DPF3: variants seen among roughly 807,000 people sequenced by gnomAD.
DPF3 encodes double PHD fingers 3.
A neutral mutation model predicts 56.8 loss-of-function variants in DPF3; 18 were observed. The observed-to-expected ratio is 0.32, with a 90% CI of 0.22 to 0.47. The LOEUF is 0.47. DPF3 is among the 20% of genes least tolerant of loss of function. The pLI is 1.00. For synonymous variants in DPF3, 188 were observed against 180.2 expected, an observed-to-expected ratio of 1.04 and a Z score of -0.35; for missense variants, 403 against 488.8, an observed-to-expected ratio of 0.82 and a Z score of 1.65.
At chr14:72,787,527 T>C (rs1348489039) in intron 1 of DPF3, among the ~76,000 whole-genome samples, 3 of 152,126 alleles carry the variant, frequency 2.0e-5, no homozygotes, top group Non-Finnish European at 4.4e-5. Flanking sequence ...CACTAAGTCA[T>C]TACCAGGAAC....
Position 72,678,857 on chromosome 14 carries a change from T to TA in DPF3, c.743-4490dup, listed in dbSNP as rs1399848096. Among the ~76,000 whole-genome samples, 12 of 152,252 alleles carry TA rather than the reference T, an allele frequency of 7.9e-5. No individual in the cohort carries two copies. The East Asian group carries it at 2.3e-3, about 29-fold the overall frequency. ...GAAAATAAAGTGAGCCTTAAGAGTT[T>TA]AGAAATCTACCTGAGGGAGATAACT... On this transcript the variant is annotated intron_variant, in intron 7 of 10. Transcript: ENST00000556509.
At chr14:72,664,174 T>C (rs1051777517) in intron 8 of DPF3, among the ~76,000 whole-genome samples, 8 of 152,178 alleles carry the variant, frequency 5.3e-5, no homozygotes, top group African/African-American at 1.7e-4. Flanking sequence ...GTTCTCTCCA[T>C]GGGCATCTGT....
chr14:72,669,733 A>T (rs1328341340), intron 8 of DPF3, among the ~76,000 whole-genome samples: 1 of 152,118 alleles, frequency 6.6e-6, no homozygotes, highest in Non-Finnish European at 1.5e-5. Flanking sequence ...CAAGACTCAG[A>T]TCACACACCT....
chr14:72,802,115 C>T (rs1892915949), intron 1 of DPF3, among the ~76,000 whole-genome samples: 1 of 151,944 alleles, frequency 6.6e-6, no homozygotes, highest in African/African-American at 2.4e-5. Flanking sequence ...CAAGCAAATG[C>T]TCACACAGGG....
intron 5 of DPF3, among the ~76,000 whole-genome samples, chr14:72,714,941 G>C (rs1312476311): frequency 6.6e-6 from 1 of 152,138 alleles, no homozygotes; most frequent in Non-Finnish European, 1.5e-5. Context: ...ACAACCCCAG[G>C]CCCCTCAGCA....
At chr14:72,639,467 T>C in intron 8 of DPF3, among the ~76,000 whole-genome samples, 1 of 152,132 alleles carries the variant, frequency 6.6e-6, no homozygotes, top group East Asian at 1.9e-4. Context: ...TAATATTAGG[T>C]TATAAAAAGA....
chr14:72,723,920 T>TA, intron 4 of DPF3, 192 bp from the exon 5 acceptor site: 1 of 542,212 alleles, frequency 1.8e-6, no homozygotes, highest in Admixed American at 3.9e-5. Context: ...GAGGCTCTCC[T>TA]AAGCCCTTGG....
chr14:72,765,559 G>A (rs192106919), intron 2 of DPF3, among the ~76,000 whole-genome samples: 127 of 152,236 alleles, frequency 8.3e-4, no homozygotes, highest in African/African-American at 3.0e-3. Flanking sequence ...GCCATGCAAT[G>A]GACTACTACT....
chr14:72,731,579 G>C (rs1889647261), intron 4 of DPF3: 1 of 545,520 alleles, frequency 1.8e-6, no homozygotes, highest in Non-Finnish European at 3.3e-6. Context: ...TGCATAGACA[G>C]ACAGAAGAGA....
At chr14:72,757,933 G>GT (rs940209368) in intron 2 of DPF3, among the ~76,000 whole-genome samples, 53 of 150,348 alleles carry the variant, frequency 3.5e-4, no homozygotes, top group East Asian at 2.0e-3. Context: ...GTGTTTGCAT[G>GT]TTTTTTTTTA....
At chr14:72,622,701 C>G (rs1884532092) in intron 9 of DPF3, among the ~76,000 whole-genome samples, 1 of 151,930 alleles carries the variant, frequency 6.6e-6, no homozygotes, top group South Asian at 2.1e-4. Flanking sequence ...ACTCTCATGA[C>G]AAACACAATT....
intron 1 of DPF3, among the ~76,000 whole-genome samples, chr14:72,790,184 C>T (rs140747648): frequency 6.6e-6 from 1 of 152,124 alleles, no homozygotes; most frequent in East Asian, 1.9e-4. Context: ...ACCAGGAACT[C>T]GAGACCAGCC....
intron 2 of DPF3, among the ~76,000 whole-genome samples, chr14:72,761,900 A>G (rs1203099410): frequency 6.6e-6 from 1 of 151,894 alleles, no homozygotes; most frequent in African/African-American, 2.4e-5. Flanking sequence ...CATATATTAA[A>G]AGAGTAATGC....
intron 6 of DPF3, among the ~76,000 whole-genome samples, 171 bp downstream of exon 6, chr14:72,714,252 A>G (rs1374665771): frequency 1.3e-5 from 2 of 152,216 alleles, no homozygotes; most frequent in Non-Finnish European, 2.9e-5. Context: ...CAGAGGCCCA[A>G]GGAAGTGGTG....
At chr14:72,658,437 G>A (rs920728010) in intron 8 of DPF3, among the ~76,000 whole-genome samples, 4 of 152,044 alleles carry the variant, frequency 2.6e-5, no homozygotes, top group African/African-American at 7.2e-5. Context: ...TATGGTTCTA[G>A]TTACATGGAG....
intron 5 of DPF3, among the ~76,000 whole-genome samples, chr14:72,717,243 T>C (rs901159474): frequency 1.3e-5 from 2 of 152,270 alleles, no homozygotes; most frequent in African/African-American, 2.4e-5. Flanking sequence ...GAGCATCCGC[T>C]TAAAGTCAGA....
chr14:72,837,019 A>G (rs970568317), intron 1 of DPF3, among the ~76,000 whole-genome samples: 1 of 151,944 alleles, frequency 6.6e-6, no homozygotes, highest in African/African-American at 2.4e-5. Context: ...ACAGGCGCGC[A>G]CCACCACACC....
chr14:72,820,167 T>G (rs1413622627), intron 1 of DPF3, among the ~76,000 whole-genome samples: 1 of 152,202 alleles, frequency 6.6e-6, no homozygotes, highest in African/African-American at 2.4e-5. Context: ...TATACCATAG[T>G]TTTAAAAGAA....
At chr14:72,680,245 C>T (rs1235668663) in intron 7 of DPF3, among the ~76,000 whole-genome samples, 1 of 152,258 alleles carries the variant, frequency 6.6e-6, no homozygotes. Context: ...CCAGGCCTGA[C>T]ACCTTTTTTC....
Sources: gnomAD v4.1 joint callset for allele counts (sites outside exome capture counted in the v4.1 genomes callset) on GRCh38, gnomAD v4.1.1 for gene constraint, MANE v1.5 for transcripts, NCBI Gene and HGNC (gene_info 2026-07-23, HGNC 2026-07-21) for gene names.